MYRIP: variants seen among roughly 807,000 people sequenced by gnomAD.
MYRIP encodes myosin VIIA and Rab interacting protein, also known as rab effector MyRIP.
MYRIP carries 49 observed loss-of-function variants against 98.0 expected under a neutral mutation model. That is an observed-to-expected ratio of 0.50 (90% confidence interval 0.40 to 0.63). The LOEUF (loss-of-function observed/expected upper bound fraction) is 0.63, where lower values mean the gene tolerates loss of function less well. Among genes scored for constraint, MYRIP ranks in the 30% least tolerant of loss-of-function variants. MYRIP has a pLI of 0.00. For missense variants in MYRIP, 1,004 were observed against 1,058.2 expected (o/e 0.95, Z 0.71); for synonymous variants, 404 against 409.5 (o/e 0.99, Z 0.16).
At chr3:40,043,814 A>T (rs1231999666) in intron 2 of MYRIP, among the ~76,000 whole-genome samples, 2 of 152,226 alleles carry the variant, frequency 1.3e-5, no homozygotes, top group Admixed American at 6.5e-5. Context: ...TAATGTTTTC[A>T]TGCTTTCTCA....
chr3:40,088,855 T>C (rs1420273577), intron 3 of MYRIP, among the ~76,000 whole-genome samples: 1 of 152,192 alleles, frequency 6.6e-6, no homozygotes, highest in Non-Finnish European at 1.5e-5. Flanking sequence ...TTTAAGACAA[T>C]GGCTCTGGCT....
At position 40,003,608 on chromosome 3, in the gene MYRIP, GC is replaced by G. The variant is rs1313638219; in HGVS notation, c.111-40441del. Among the ~76,000 whole-genome samples, 3 of 152,126 alleles carry G rather than the reference GC, an allele frequency of 2.0e-5. No homozygotes were observed. In the East Asian group the frequency reaches 5.8e-4, roughly 29 times the overall value. ...AAAAAAATGATCAGCTTCCCTTAAT[GC>G]ACCTTTTCTCCATTGCAATTTTTAG... is the stretch of plus-strand genomic sequence containing the variant. On this transcript the variant is annotated intron_variant, in intron 2 of 16. Coordinates refer to ENST00000302541, the MANE Select transcript of MYRIP (RefSeq NM_015460.4).
intron 2 of MYRIP, among the ~76,000 whole-genome samples, chr3:39,919,571 A>G (rs948930672): frequency 4.6e-5 from 7 of 151,716 alleles, no homozygotes; most frequent in African/African-American, 1.7e-4. Context: ...GTTTTATCCA[A>G]TTGTGTGGGT....
chr3:39,861,930 C>T (rs1465860173), intron 1 of MYRIP, among the ~76,000 whole-genome samples: 1 of 152,142 alleles, frequency 6.6e-6, no homozygotes, highest in Non-Finnish European at 1.5e-5. Flanking sequence ...AGGACATCAT[C>T]CATGAAAAGT....
At chr3:39,827,726 T>C (rs1941311821) in intron 1 of MYRIP, among the ~76,000 whole-genome samples, 1 of 152,198 alleles carries the variant, frequency 6.6e-6, no homozygotes. Flanking sequence ...CACATGCTGG[T>C]AGTTACTGTC....
chr3:40,170,347 C>A (rs1219083488), intron 8 of MYRIP, among the ~76,000 whole-genome samples: 1 of 152,114 alleles, frequency 6.6e-6, no homozygotes, highest in African/African-American at 2.4e-5. Flanking sequence ...AATACAAATG[C>A]TGATAGGCTG....
chr3:40,081,304 C>T (rs1948474443), intron 3 of MYRIP, among the ~76,000 whole-genome samples: 1 of 152,104 alleles, frequency 6.6e-6, no homozygotes, highest in African/African-American at 2.4e-5. Context: ...TTTTTGACTG[C>T]TTGTTATATC....
chr3:39,829,563 TGCTG>T (rs1353893367), intron 1 of MYRIP, among the ~76,000 whole-genome samples: 1 of 152,210 alleles, frequency 6.6e-6, no homozygotes, highest in Non-Finnish European at 1.5e-5. Context: ...CTGGTGAGGC[TGCTG>T]GAAGTGGGCT....
In MYRIP at chr3:39,844,497, C is replaced by A. The variant is rs532365055; in HGVS notation, c.-31+34581C>A. 5.9e-5 allele frequency among the ~76,000 whole-genome samples: 9 copies of A among 152,330 alleles called. No individual in the cohort carries two copies. In the South Asian group the frequency reaches 1.5e-3, roughly 25 times the overall value. On this transcript the variant is annotated intron_variant, in intron 1 of 16. Transcript: ENST00000302541. ...GTGAATTGAGGAAGATGAGACAGAG[C>A]AACAGGCATAGGTGGCATAGGCATC... is the stretch of plus-strand genomic sequence containing the variant.
rs534714451 is a variant in MYRIP, at chr3:39,965,328, A to T, written c.110+64402A>T. 3.5e-4 allele frequency among the ~76,000 whole-genome samples: 54 copies of T among 152,246 alleles called. No homozygotes were observed. In the South Asian group the frequency reaches 8.5e-3, roughly 24 times the overall value. On this transcript the variant is annotated intron_variant, in intron 2 of 16. Transcript: ENST00000302541. Reference sequence around the variant, plus strand: ...AACTCTGAATTGCATTAAAAGAAAAAATAAAGCATTTTATAGAACTAAGTG... The same window carrying T: ...AACTCTGAATTGCATTAAAAGAAAATATAAAGCATTTTATAGAACTAAGTG...
Position 39,957,633 on chromosome 3 carries a change from C to T in MYRIP, c.110+56707C>T, listed in dbSNP as rs531959182. 7.2e-5 allele frequency among the ~76,000 whole-genome samples: 11 copies of T among 152,282 alleles called. No individual in the cohort carries two copies. The South Asian group carries it at 2.3e-3, about 32-fold the overall frequency. On this transcript the variant is annotated intron_variant, in intron 2 of 16. Transcript: ENST00000302541. The stretch of plus-strand genomic sequence containing the variant: ...AAAACTGGCACAAGACAGGGATGCC[C>T]TCTCTCACCACTCCTATTCAACATA...
At chr3:39,909,189 G>A (rs1383097241) in intron 2 of MYRIP, among the ~76,000 whole-genome samples, 1 of 152,178 alleles carries the variant, frequency 6.6e-6, no homozygotes, top group Non-Finnish European at 1.5e-5. Flanking sequence ...AGAGAGCCTG[G>A]AGACTCATGG....
intron 1 of MYRIP, among the ~76,000 whole-genome samples, chr3:39,868,655 A>G (rs1942693541): frequency 6.6e-6 from 1 of 152,122 alleles, no homozygotes; most frequent in Non-Finnish European, 1.5e-5. Context: ...AGACTTGCTG[A>G]CCCTAAAGGG....
At chr3:40,107,750 A>C (rs1042334087) in intron 3 of MYRIP, among the ~76,000 whole-genome samples, 3 of 152,238 alleles carry the variant, frequency 2.0e-5, no homozygotes. Flanking sequence ...TCAAAGAAAC[A>C]TTCCAGATAT....
chr3:39,972,489 TA>T lies in MYRIP; in HGVS notation c.111-71556del, dbSNP rs1290256225. Among the ~76,000 whole-genome samples the T allele has an allele frequency of 9.9e-5, 15 of 152,210 alleles. No individual in the cohort carries two copies. The East Asian group carries it at 2.5e-3, about 25-fold the overall frequency. On this transcript the variant is annotated intron_variant, in intron 2 of 16. Transcript: ENST00000302541. ...TTTGTTATGATTCTAAATTTACTTTTAAAAATAATAAACATTGCTTTTTAAG... is the reference window on the plus strand; with the variant it reads ...TTTGTTATGATTCTAAATTTACTTTTAAAATAATAAACATTGCTTTTTAAG...
At chr3:40,115,953 T>C (rs1390119850) in intron 3 of MYRIP, among the ~76,000 whole-genome samples, 1 of 152,190 alleles carries the variant, frequency 6.6e-6, no homozygotes, top group Non-Finnish European at 1.5e-5. Context: ...CACTCTGCCA[T>C]GGAGACAGCT....
At chr3:39,907,558 C>T (rs1466525803) in intron 2 of MYRIP, among the ~76,000 whole-genome samples, 1 of 152,158 alleles carries the variant, frequency 6.6e-6, no homozygotes, top group Non-Finnish European at 1.5e-5. Flanking sequence ...AGAGCCTGAT[C>T]CCTTTGACAC....
At chr3:40,046,446 A>G (rs1947669779) in intron 3 of MYRIP, among the ~76,000 whole-genome samples, 1 of 151,546 alleles carries the variant, frequency 6.6e-6, no homozygotes, top group Non-Finnish European at 1.5e-5. Context: ...CCCAAATAGA[A>G]CAGGACGATG....
chr3:39,876,070 G>C (rs1290911997), intron 1 of MYRIP, among the ~76,000 whole-genome samples: 1 of 152,134 alleles, frequency 6.6e-6, no homozygotes, highest in Admixed American at 6.5e-5. Context: ...TCTTCTTGTT[G>C]AATTGATCCC....
Sources: gnomAD v4.1 joint callset for allele counts (sites outside exome capture counted in the v4.1 genomes callset) on GRCh38, gnomAD v4.1.1 for gene constraint, MANE v1.5 for transcripts, NCBI Gene and HGNC (gene_info 2026-07-23, HGNC 2026-07-21) for gene names.